Variants in AFG1L observed in about 807,000 individuals in gnomAD.
AFG1L encodes the protein AFG1-like ATPase.
A neutral mutation model predicts 62.2 loss-of-function variants in AFG1L; 53 were observed. The observed-to-expected ratio is 0.85, with a 90% CI of 0.68 to 1.07. AFG1L has a LOEUF of 1.07. Ranked by LOEUF, AFG1L falls within the 50% of genes least tolerant of loss-of-function variation. The pLI, the probability that AFG1L is intolerant of heterozygous loss-of-function variation, is 0.00. For missense variants in AFG1L, 555 were observed against 590.5 expected, an observed-to-expected ratio of 0.94 and a Z score of 0.62; for synonymous variants, 228 against 210.3, an observed-to-expected ratio of 1.08 and a Z score of -0.73.
At chr6:108,406,612 A>G (rs1364311773) in intron 7 of AFG1L, among the ~76,000 whole-genome samples, 1 of 151,880 alleles carries the variant, frequency 6.6e-6, no homozygotes, top group Non-Finnish European at 1.5e-5. Context: ...TAATTTTTGT[A>G]TTTTTGGTAG....
intron 2 of AFG1L, among the ~76,000 whole-genome samples, chr6:108,328,154 GAT>G (rs565176184): frequency 6.6e-6 from 1 of 151,900 alleles, no homozygotes; most frequent in African/African-American, 2.4e-5. Flanking sequence ...AGTTATATGT[GAT>G]ATATATATAG....
At chr6:108,390,202 A>C (rs144245361) in intron 6 of AFG1L, among the ~76,000 whole-genome samples, 1,706 of 152,302 alleles carry the variant, frequency 0.011, 32 homozygotes, top group South Asian at 0.084. Context: ...TTCTCATGCC[A>C]TGATTTTCGG....
At chr6:108,515,115 C>T (rs908042075) in intron 11 of AFG1L, among the ~76,000 whole-genome samples, 9 of 152,240 alleles carry the variant, frequency 5.9e-5, no homozygotes, top group Admixed American at 4.6e-4. Context: ...CAAGGATATC[C>T]AGGAATTGAA....
intron 1 of AFG1L, among the ~76,000 whole-genome samples, chr6:108,296,736 T>C (rs1582544703): frequency 6.6e-6 from 1 of 152,334 alleles, no homozygotes; most frequent in East Asian, 1.9e-4. Flanking sequence ...AAAATAGTAT[T>C]CCATTCTATG....
chr6:108,447,351 C>A, intron 8 of AFG1L, 55 bp downstream of exon 8: 1 of 1,071,934 alleles, frequency 9.3e-7, no homozygotes, highest in Non-Finnish European at 1.4e-6. Context: ...AGAAAAAGAA[C>A]ATAAAAATAA....
chr6:108,302,405 T>C (rs1352613956), intron 1 of AFG1L, among the ~76,000 whole-genome samples: 19 of 152,206 alleles, frequency 1.2e-4, no homozygotes, highest in Admixed American at 1.2e-3. Context: ...ATTTTTCACA[T>C]AGGCTTTTAA....
At chr6:108,307,934 T>C (rs1280666150) in intron 1 of AFG1L, among the ~76,000 whole-genome samples, 1 of 152,208 alleles carries the variant, frequency 6.6e-6, no homozygotes, top group African/African-American at 2.4e-5. Context: ...TAAGGTTGAA[T>C]ACTTTTTTAT....
chr6:108,447,164 T>C (rs1239355916), intron 7 of AFG1L, 50 bp from the exon 8 acceptor site: 1 of 944,166 alleles, frequency 1.1e-6, no homozygotes, highest in Non-Finnish European at 1.7e-6. Context: ...AGGATTGTAA[T>C]TCTGAGCCAC....
intron 7 of AFG1L, among the ~76,000 whole-genome samples, chr6:108,439,003 C>T (rs541600547): frequency 3.3e-5 from 5 of 152,108 alleles, no homozygotes; most frequent in African/African-American, 1.2e-4. Context: ...AGAACTCAGC[C>T]CTGAAGAGCC....
chr6:108,306,135 T>C, intron 1 of AFG1L, among the ~76,000 whole-genome samples: 1 of 152,144 alleles, frequency 6.6e-6, no homozygotes, highest in African/African-American at 2.4e-5. Context: ...AACTCCTGAC[T>C]TCAGGTTATG....
intron 8 of AFG1L, among the ~76,000 whole-genome samples, chr6:108,457,561 CT>C (rs907121469): frequency 6.6e-6 from 1 of 151,292 alleles, no homozygotes; most frequent in Non-Finnish European, 1.5e-5. Context: ...ACTTTATTAT[CT>C]TTTTAGGTTA....
At chr6:108,416,621 G>A (rs1031643897) in intron 7 of AFG1L, among the ~76,000 whole-genome samples, 1 of 152,098 alleles carries the variant, frequency 6.6e-6, no homozygotes, top group Non-Finnish European at 1.5e-5. Context: ...CATGTCCTTT[G>A]TAGGGACATG....
chr6:108,516,580 G>A (rs1468167611), intron 11 of AFG1L, among the ~76,000 whole-genome samples: 10 of 152,132 alleles, frequency 6.6e-5, no homozygotes, highest in African/African-American at 1.9e-4. Flanking sequence ...CATTCCCTTC[G>A]AAAACTGGCA....
At chr6:108,444,259 GGT>G (rs1442574883) in intron 7 of AFG1L, among the ~76,000 whole-genome samples, 1 of 151,976 alleles carries the variant, frequency 6.6e-6, no homozygotes, top group African/African-American at 2.4e-5. Context: ...AGTGTGCAAT[GGT>G]ATTATGTCTA....
At chr6:108,344,395 G>A (rs1300265753) in intron 2 of AFG1L, among the ~76,000 whole-genome samples, 1 of 152,126 alleles carries the variant, frequency 6.6e-6, no homozygotes, top group Non-Finnish European at 1.5e-5. Context: ...TTACAGGCAT[G>A]AGCCATCGCG....
intron 1 of AFG1L, among the ~76,000 whole-genome samples, chr6:108,319,008 C>G (rs1220481236): frequency 2.6e-5 from 4 of 152,182 alleles, no homozygotes; most frequent in African/African-American, 9.7e-5. Context: ...CTGACTGATT[C>G]TCTTTTTATC....
chr6:108,351,200 A>T (rs564076311), intron 3 of AFG1L, among the ~76,000 whole-genome samples: 1 of 152,316 alleles, frequency 6.6e-6, no homozygotes, highest in South Asian at 2.1e-4. Flanking sequence ...TTTATACAAG[A>T]TGTTATCAGT....
At chr6:108,466,845 G>T (rs1772692892) in intron 8 of AFG1L, among the ~76,000 whole-genome samples, 2 of 150,600 alleles carry the variant, frequency 1.3e-5, no homozygotes, top group Admixed American at 1.3e-4. Context: ...ATTTTGTTAT[G>T]GGAGCCCTAG....
chr6:108,506,959 A>T (rs1410988177), intron 10 of AFG1L, among the ~76,000 whole-genome samples: 1 of 152,102 alleles, frequency 6.6e-6, no homozygotes, highest in Non-Finnish European at 1.5e-5. Flanking sequence ...CTTACCCATG[A>T]ATTTATTGAA....
Sources: allele counts gnomAD v4.1 joint callset (sites outside exome capture counted in the v4.1 genomes callset), GRCh38; gene constraint gnomAD v4.1.1; transcripts MANE v1.5; gene names NCBI Gene and HGNC (gene_info 2026-07-23, HGNC 2026-07-21).